The following RORB variants were observed in gnomAD, a reference collection of about 807,000 sequenced individuals.
RORB encodes the protein RAR related orphan receptor B, also known as nuclear receptor ROR-beta.
Under a neutral mutation model 59.1 loss-of-function variants are expected in RORB, and 6 were observed. The observed-to-expected ratio is 0.10, with a 90% CI of 0.06 to 0.20. The LOEUF is 0.20. Among genes scored for constraint, RORB ranks in the 10% least tolerant of loss-of-function variants. The pLI, the probability that RORB is intolerant of heterozygous loss-of-function variation, is 1.00. For missense variants in RORB, 320 were observed against 560.5 expected (o/e 0.57, Z 4.33); for synonymous variants, 215 against 204.5 (o/e 1.05, Z -0.44).
Position 74,685,869 on chromosome 9 carries a change from T to A in RORB, c.*251T>A. Reference sequence around the variant, plus strand: ...TAGGACACTGGGTGTTATCCTTTTTTTAATTTTATTCGGGTATGTTTTGGG... The same window carrying A: ...TAGGACACTGGGTGTTATCCTTTTTATAATTTTATTCGGGTATGTTTTGGG... On this transcript the variant is annotated 3_prime_UTR_variant, in exon 10 of 10. Coordinates refer to ENST00000376896, the MANE Select transcript of RORB (RefSeq NM_006914.4). The A allele has an allele frequency of 3.6e-6, 1 of 274,552 alleles. No individual in the cohort carries two copies. Among genetic ancestry groups the A allele is most frequent in the Non-Finnish European group, 6.8e-6 (1 of 147,754 alleles). 17.0% of individuals were successfully genotyped at this position (274,552 alleles called of 1,614,324 possible).
At chr9:74,514,796 C>T (rs1422949578) in intron 1 of RORB, among the ~76,000 whole-genome samples, 1 of 151,092 alleles carries the variant, frequency 6.6e-6, no homozygotes, top group Admixed American at 6.6e-5. Context: ...GGCAGCTTGA[C>T]CACAGTTACT....
chr9:74,655,277 G>A (rs1015498996), intron 4 of RORB, among the ~76,000 whole-genome samples: 3 of 152,220 alleles, frequency 2.0e-5, no homozygotes, highest in Admixed American at 6.5e-5. Flanking sequence ...AGAGCAGAGT[G>A]TAGAGTTTGT....
intron 1 of RORB, among the ~76,000 whole-genome samples, chr9:74,563,645 T>C (rs975800792): frequency 2.0e-5 from 3 of 152,248 alleles, no homozygotes; most frequent in African/African-American, 7.2e-5. Flanking sequence ...TTGACAGTGA[T>C]GTGTCTCGAA....
chr9:74,665,598 A>G lies in RORB; in HGVS notation c.1000+3A>G. 1 of 1,590,986 alleles carries G rather than the reference A, an allele frequency of 6.3e-7. No individual in the cohort carries two copies. The highest frequency in any genetic ancestry group is 1.7e-4 in the Middle Eastern group (1 of 6,002). On this transcript the variant is annotated splice_donor_region_variant and intron_variant, in intron 7 of 9. Coordinates refer to ENST00000376896, the MANE Select transcript of RORB (RefSeq NM_006914.4). ...AATGCAAATGTTCAAAGCCTTAGGT[A>G]AGTTTCCCTTTGATGAGGACACAAT...
chr9:74,579,170 C>T (rs1035626957), intron 1 of RORB, among the ~76,000 whole-genome samples: 1 of 152,064 alleles, frequency 6.6e-6, no homozygotes, highest in Admixed American at 6.6e-5. Context: ...AATATTTAGT[C>T]TTATAAGAAG....
intron 4 of RORB, 101 bp downstream of exon 4, chr9:74,642,916 T>C: frequency 1.2e-6 from 1 of 830,648 alleles, no homozygotes; most frequent in Non-Finnish European, 1.8e-6. Flanking sequence ...TAAATTGAAT[T>C]ACTTGGATTC....
intron 1 of RORB, among the ~76,000 whole-genome samples, chr9:74,530,764 T>G (rs1826225388): frequency 6.6e-6 from 1 of 151,940 alleles, no homozygotes; most frequent in African/African-American, 2.4e-5. Context: ...AGGGTACATG[T>G]GCACAACGTG....
rs549539941 is a variant in RORB at position 74,664,164 on chromosome 9, A to G, written c.893-1324A>G. ...ATAGCAGTTTCCTCATTTGTAAAATAAAGAGATGGACTAGAAACAATGAAT... is the reference window on the plus strand; with the variant it reads ...ATAGCAGTTTCCTCATTTGTAAAATGAAGAGATGGACTAGAAACAATGAAT... On this transcript the variant is annotated intron_variant, in intron 6 of 9. Transcript: ENST00000376896. Among the ~76,000 whole-genome samples, 141 of 152,336 alleles carry G rather than the reference A, an allele frequency of 9.3e-4. 3 individuals are homozygous for G. In the South Asian group the frequency reaches 0.028, roughly 30 times the overall value.
At chr9:74,588,519 A>T (rs533000806) in intron 1 of RORB, among the ~76,000 whole-genome samples, 199 of 152,276 alleles carry the variant, frequency 1.3e-3, no homozygotes, top group African/African-American at 4.3e-3. Flanking sequence ...AAATAAGTCT[A>T]CCTCTCATCC....
chr9:74,591,956 G>C (rs998500086), intron 1 of RORB, among the ~76,000 whole-genome samples: 3 of 151,802 alleles, frequency 2.0e-5, no homozygotes, highest in Non-Finnish European at 2.9e-5. Flanking sequence ...GAGAGAGAGA[G>C]ACAGAGAGAG....
chr9:74,540,285 G>GCTTAT (rs1826385903), intron 1 of RORB, among the ~76,000 whole-genome samples: 1 of 152,182 alleles, frequency 6.6e-6, no homozygotes, highest in East Asian at 1.9e-4. Context: ...GCCTCCTCTA[G>GCTTAT]CTTATCACTT....
Position 74,497,813 on chromosome 9 carries a change from C to G in RORB, c.-164C>G. The G allele has an allele frequency of 1.4e-6, 1 of 710,542 alleles. No homozygotes were observed. The highest frequency in any genetic ancestry group is 2.4e-6 in the Non-Finnish European group (1 of 421,872). 44.0% of individuals were successfully genotyped at this position (710,542 alleles called of 1,614,324 possible). A position where few individuals can be genotyped will look rare whatever the true frequency, so the allele number is the denominator to read the frequency against. On this transcript the variant is annotated 5_prime_UTR_variant, in exon 1 of 10. Coordinates refer to ENST00000376896, the MANE Select transcript of RORB (RefSeq NM_006914.4). ...TTAACATAGCGGCGGCGGCGGCAAA[C>G]GTCACCCTGCAGCCACGGCGTCCGC...
intron 9 of RORB, among the ~76,000 whole-genome samples, chr9:74,674,987 T>C (rs1181293020): frequency 6.6e-6 from 1 of 152,132 alleles, no homozygotes; most frequent in African/African-American, 2.4e-5. Flanking sequence ...CAGTCCATAA[T>C]AGGTAATATG....
At chr9:74,570,730 CGT>C (rs34021510) in intron 1 of RORB, among the ~76,000 whole-genome samples, 11 of 151,630 alleles carry the variant, frequency 7.3e-5, no homozygotes, top group African/African-American at 2.7e-4. Context: ...TGTGCACACA[CGT>C]GTGTGTGTAT....
At chr9:74,527,752 G>T (rs548076115) in intron 1 of RORB, among the ~76,000 whole-genome samples, 2 of 151,998 alleles carry the variant, frequency 1.3e-5, no homozygotes, top group Admixed American at 1.3e-4. Flanking sequence ...TGTCTTGGGA[G>T]TTTAGGAGTT....
intron 1 of RORB, among the ~76,000 whole-genome samples, chr9:74,519,574 A>T (rs1563926955): frequency 6.6e-6 from 1 of 151,900 alleles, no homozygotes; most frequent in African/African-American, 2.4e-5. Flanking sequence ...TGCTTCTGTA[A>T]CTCTTTTAAA....
intron 1 of RORB, among the ~76,000 whole-genome samples, chr9:74,531,311 C>T (rs1343120739): frequency 2.0e-5 from 3 of 151,956 alleles, no homozygotes; most frequent in African/African-American, 7.2e-5. Flanking sequence ...CCCAAAGCTG[C>T]CTACCAACAA....
chr9:74,574,656 C>A (rs947864776), intron 1 of RORB, among the ~76,000 whole-genome samples: 2 of 152,054 alleles, frequency 1.3e-5, no homozygotes, highest in African/African-American at 4.8e-5. Flanking sequence ...CAGACTCCAA[C>A]CTTTTGGGAT....
At chr9:74,661,132 C>T (rs1824173393) in intron 5 of RORB, among the ~76,000 whole-genome samples, 1 of 152,184 alleles carries the variant, frequency 6.6e-6, no homozygotes, top group South Asian at 2.1e-4. Context: ...CAAACTTACA[C>T]AGCAAATATA....
Sources: allele counts gnomAD v4.1 joint callset (sites outside exome capture counted in the v4.1 genomes callset), GRCh38; gene constraint gnomAD v4.1.1; transcripts MANE v1.5; gene names NCBI Gene and HGNC (gene_info 2026-07-23, HGNC 2026-07-21).